CHLSN: variants seen among roughly 807,000 people sequenced by gnomAD.
CHLSN encodes the protein cholesin.
the CHLSN span, among the ~76,000 whole-genome samples, chr7:1,136,227 T>C: frequency 1.7e-5 from 2 of 115,696 alleles, no homozygotes; most frequent in Admixed American, 2.1e-4. Flanking sequence ...TAAACATATA[T>C]AAATATATAA....
At chr7:1,011,491 ACACGCCCAGACACCCTGACACACC>A in the CHLSN span, among the ~76,000 whole-genome samples, 1 of 143,910 alleles carries the variant, frequency 6.9e-6, no homozygotes. Flanking sequence ...ACACACCTTC[ACACGCCCAGACACCCTGACACACC>A]CACACCCAGA....
At chr7:1,019,633 A>C in the CHLSN span, among the ~76,000 whole-genome samples, 1 of 152,226 alleles carries the variant, frequency 6.6e-6, no homozygotes, top group Non-Finnish European at 1.5e-5. Context: ...GCGCAGGCCT[A>C]GTGGCTGCAG....
At chr7:981,751 G>A in the CHLSN span, among the ~76,000 whole-genome samples, 11 of 151,890 alleles carry the variant, frequency 7.2e-5, no homozygotes, top group African/African-American at 2.7e-4. Flanking sequence ...AATTAGGCCA[G>A]GTGCAGTGGC....
At chr7:988,984 AC>A in the CHLSN span, 1 of 571,122 alleles carries the variant, frequency 1.8e-6, no homozygotes, top group South Asian at 2.3e-5. Context: ...TTCCGGTTAC[AC>A]CCAGGACTAC....
At chr7:1,016,071 G>GCACAGCAGCA in the CHLSN span, among the ~76,000 whole-genome samples, 41 of 110,344 alleles carry the variant, frequency 3.7e-4, 5 homozygotes, top group African/African-American at 1.4e-3. Flanking sequence ...ACACGCCAGC[G>GCACAGCAGCA]CACAGCAGCA....
chr7:1,112,663 C>G, the CHLSN span, among the ~76,000 whole-genome samples: 2 of 150,400 alleles, frequency 1.3e-5, no homozygotes, highest in African/African-American at 4.9e-5. Context: ...GGACATTAAT[C>G]GGCTGTCCTC....
the CHLSN span, chr7:988,650 T>G: frequency 6.2e-7 from 1 of 1,601,906 alleles, no homozygotes; most frequent in Non-Finnish European, 8.5e-7. Context: ...CGCGTCTGTG[T>G]TGGGGAGCGC....
the CHLSN span, among the ~76,000 whole-genome samples, chr7:1,114,938 C>T: frequency 3.7e-4 from 56 of 152,230 alleles, no homozygotes; most frequent in Non-Finnish European, 2.6e-4. Flanking sequence ...CACTCTGCAG[C>T]CTTCCCAGCA....
chr7:1,060,655 C>T, the CHLSN span, among the ~76,000 whole-genome samples: 3 of 152,186 alleles, frequency 2.0e-5, no homozygotes, highest in Non-Finnish European at 4.4e-5. Flanking sequence ...GTGGCTCCTG[C>T]GGGGAGCTCA....
the CHLSN span, chr7:1,093,077 C>A: frequency 1.4e-6 from 1 of 696,798 alleles, no homozygotes; most frequent in Non-Finnish European, 2.7e-6. Flanking sequence ...TGCTACAATC[C>A]CAAAGCGCTC....
chr7:1,071,920 C>T, the CHLSN span, among the ~76,000 whole-genome samples: 16 of 152,354 alleles, frequency 1.1e-4, no homozygotes, highest in South Asian at 2.7e-3. Flanking sequence ...CCAGGCCGCA[C>T]GGCCGCAGCA....
At chr7:1,013,095 A>G in the CHLSN span, among the ~76,000 whole-genome samples, 8 of 151,856 alleles carry the variant, frequency 5.3e-5, no homozygotes, top group African/African-American at 1.7e-4. Context: ...GGGCGTGGTA[A>G]TGCCGGGACC....
chr7:1,090,294 G>A, the CHLSN span, among the ~76,000 whole-genome samples: 17 of 152,280 alleles, frequency 1.1e-4, no homozygotes, highest in East Asian at 2.7e-3. Context: ...GACTGCCCCC[G>A]CATCCCCAGA....
chr7:1,015,418 C>G, the CHLSN span, among the ~76,000 whole-genome samples: 1 of 152,198 alleles, frequency 6.6e-6, no homozygotes, highest in Non-Finnish European at 1.5e-5. Flanking sequence ...CATCGGAGCC[C>G]CTGCAGAGGC....
the CHLSN span, among the ~76,000 whole-genome samples, chr7:994,129 TTTGA>T: frequency 6.6e-6 from 1 of 152,218 alleles, no homozygotes; most frequent in African/African-American, 2.4e-5. Context: ...CAATGCTCCC[TTTGA>T]TTATTTAAAA....
At chr7:985,960 C>T in the CHLSN span, among the ~76,000 whole-genome samples, 19 of 152,268 alleles carry the variant, frequency 1.2e-4, no homozygotes, top group African/African-American at 4.1e-4. Context: ...AGCTTCCACC[C>T]GTCCTAGCCA....
At chr7:1,009,910 G>T in the CHLSN span, 18 of 1,473,534 alleles carry the variant, frequency 1.2e-5, no homozygotes, top group South Asian at 2.0e-4. Flanking sequence ...GGGTTGAGAC[G>T]CACGTCCGGG....
At chr7:1,036,766 C>A in the CHLSN span, among the ~76,000 whole-genome samples, 1 of 123,170 alleles carries the variant, frequency 8.1e-6, no homozygotes, top group Non-Finnish European at 2.0e-5. Context: ...ACAAGAGAGA[C>A]ATTTCTGGCT....
the CHLSN span, among the ~76,000 whole-genome samples, chr7:1,133,908 G>A: frequency 6.6e-6 from 1 of 152,084 alleles, no homozygotes; most frequent in East Asian, 1.9e-4. Flanking sequence ...CCAGGCTCAA[G>A]CAATCCTCCC....
Sources: allele counts gnomAD v4.1 joint callset (sites outside exome capture counted in the v4.1 genomes callset), GRCh38; gene constraint gnomAD v4.1.1; transcripts MANE v1.5; gene names NCBI Gene and HGNC (gene_info 2026-07-23, HGNC 2026-07-21).